DLEU7: variants seen among roughly 807,000 people sequenced by gnomAD.
DLEU7 encodes the protein deleted in lymphocytic leukemia 7.
Under a neutral mutation model 16.0 loss-of-function variants are expected in DLEU7, and 17 were observed. The ratio of observed to expected loss-of-function variants is 1.06; its 90% CI spans 0.73 to 1.59. DLEU7 has a LOEUF of 1.59. DLEU7 is among the 40% of genes most tolerant of loss of function. The probability of loss-of-function intolerance (pLI) is 0.00; values close to 1 mark genes in which losing one functional copy is unlikely to be tolerated. For synonymous variants in DLEU7, 113 were observed against 139.8 expected, an observed-to-expected ratio of 0.81 and a Z score of 1.35; for missense variants, 308 against 314.9, an observed-to-expected ratio of 0.98 and a Z score of 0.17.
chr13:50,769,634 C>G (rs1875233287), intron 1 of DLEU7, among the ~76,000 whole-genome samples: 1 of 152,102 alleles, frequency 6.6e-6, no homozygotes, highest in South Asian at 2.1e-4. Context: ...CTGCTCTGTT[C>G]CATTGGTCTA....
downstream of DLEU7, among the ~76,000 whole-genome samples, chr13:50,822,121 A>C (rs568094006): frequency 2.6e-5 from 4 of 152,214 alleles, no homozygotes; most frequent in South Asian, 6.2e-4. Flanking sequence ...CTTAGAATTC[A>C]GTATCATATA....
chr13:50,765,534 C>A (rs1211923054), intron 1 of DLEU7, among the ~76,000 whole-genome samples: 2 of 151,958 alleles, frequency 1.3e-5, no homozygotes, highest in East Asian at 3.9e-4. Context: ...ACTTGGTCCT[C>A]TTCTGGCAAT....
At position 50,718,677 on chromosome 13, in the gene DLEU7, T is replaced by C. The variant is rs201165621; in HGVS notation, c.460-5437A>G. On this transcript the variant is annotated intron_variant, in intron 1 of 1. Coordinates refer to the DLEU7 transcript ENST00000400393. Reference sequence around the variant, plus strand: ...TCATCTACCAAACACTCTCTTTTGCTAAATAAGAATATTTCCCCATTTTTA... The same window carrying C: ...TCATCTACCAAACACTCTCTTTTGCCAAATAAGAATATTTCCCCATTTTTA... Among the ~76,000 whole-genome samples, 22 of 152,378 alleles carry C rather than the reference T, an allele frequency of 1.4e-4. No individual in the cohort carries two copies. The East Asian group carries it at 3.3e-3, about 23-fold the overall frequency.
chr13:50,756,549 G>A (rs774411572), intron 1 of DLEU7, among the ~76,000 whole-genome samples: 3 of 152,126 alleles, frequency 2.0e-5, no homozygotes, highest in Non-Finnish European at 4.4e-5. Flanking sequence ...TCAGAGGGCC[G>A]GTCTCCCTCT....
intron 1 of DLEU7, among the ~76,000 whole-genome samples, chr13:50,768,913 C>T (rs58236044): frequency 0.017 from 2,639 of 152,228 alleles, 86 homozygotes; most frequent in African/African-American, 0.059. Flanking sequence ...AGTGTAGAAG[C>T]GTTCCTATTT....
intron 1 of DLEU7, chr13:50,812,981 T>C (rs749736331): frequency 3.3e-5 from 5 of 152,110 alleles, no homozygotes; most frequent in Non-Finnish European, 7.4e-5. Context: ...CAAATAAATT[T>C]CTTTTAAGCC....
chr13:50,738,650 A>G (rs551375877), intron 1 of DLEU7, among the ~76,000 whole-genome samples: 4 of 152,146 alleles, frequency 2.6e-5, no homozygotes, highest in Non-Finnish European at 5.9e-5. Context: ...AAATCATACA[A>G]AGATGAAAAA....
At chr13:50,714,255 A>T (rs1318096249) in intron 1 of DLEU7, among the ~76,000 whole-genome samples, 1 of 152,136 alleles carries the variant, frequency 6.6e-6, no homozygotes, top group Non-Finnish European at 1.5e-5. Flanking sequence ...TTTCATCCAC[A>T]TTAATTCCGG....
chr13:50,727,811 T>C (rs1873806989), intron 1 of DLEU7, among the ~76,000 whole-genome samples: 1 of 152,226 alleles, frequency 6.6e-6, no homozygotes, highest in South Asian at 2.1e-4. Flanking sequence ...GCTGTGACTT[T>C]GGGTTATTCT....
exon 2 of DLEU7, chr13:50,712,934 T>C: frequency 2.5e-6 from 1 of 406,142 alleles, no homozygotes; most frequent in Non-Finnish European, 4.4e-6. Context: ...ATCTTCTTAA[T>C]GGAAGCGGCT....
intron 1 of DLEU7, among the ~76,000 whole-genome samples, chr13:50,782,765 C>G (rs1342951531): frequency 7.3e-6 from 1 of 137,872 alleles, no homozygotes; most frequent in Non-Finnish European, 1.6e-5. Context: ...ATCATATACA[C>G]TGTCTACAGA....
intron 1 of DLEU7, among the ~76,000 whole-genome samples, chr13:50,803,844 TTTA>T (rs1025506191): frequency 1.3e-4 from 20 of 152,266 alleles, no homozygotes; most frequent in Admixed American, 1.2e-3. Context: ...TTTTGCCCAG[TTTA>T]TTTTTATATT....
Position 50,843,157 on chromosome 13 carries a change from C to T in DLEU7, c.459+31G>A, listed in dbSNP as rs1310491111. ...TTGGAGGATGGGAGGTTACCCTGCA[C>T]GCCAGAGGGGATGGCGGGGGCCAGA... On this transcript the variant is annotated intron_variant, in intron 1 of 1. Transcript: ENST00000504404. This position sits in a 1 kb window ranked among gnomAD's most constrained non-coding sequence, Gnocchi z 5.7. 6.4e-7 allele frequency: 1 copy of T among 1,572,072 alleles called. No individual in the cohort carries two copies. The highest frequency in any genetic ancestry group is 2.5e-5 in the East Asian group (1 of 40,484).
At chr13:50,748,228 C>CTTTTTTTTTTTTTTTTTTTT (rs71085044) in intron 1 of DLEU7, among the ~76,000 whole-genome samples, 3 of 89,218 alleles carry the variant, frequency 3.4e-5, no homozygotes, top group African/African-American at 4.3e-5. Flanking sequence ...ACTCCTTAAA[C>CTTTTTTTTTTTTTTTTTTTT]TTTTTTTTTT....
At chr13:50,814,349 C>G (rs947353036) in intron 1 of DLEU7, among the ~76,000 whole-genome samples, 1 of 151,916 alleles carries the variant, frequency 6.6e-6, no homozygotes, top group African/African-American at 2.4e-5. Flanking sequence ...TTCACCCAGG[C>G]AGCCAGCCAG....
chr13:50,779,687 T>C (rs965273338), intron 1 of DLEU7, among the ~76,000 whole-genome samples: 3 of 152,116 alleles, frequency 2.0e-5, no homozygotes, highest in Non-Finnish European at 2.9e-5. Flanking sequence ...ATTGGTCCTG[T>C]CTAGGTCATA....
intron 1 of DLEU7, among the ~76,000 whole-genome samples, chr13:50,745,617 G>A (rs148279190): frequency 1.3e-5 from 2 of 152,270 alleles, no homozygotes; most frequent in African/African-American, 2.4e-5. Flanking sequence ...TAATATCCTT[G>A]TTAGAGGGAT....
intron 1 of DLEU7, among the ~76,000 whole-genome samples, chr13:50,765,374 A>G (rs758530998): frequency 2.6e-5 from 4 of 152,176 alleles, no homozygotes; most frequent in Non-Finnish European, 4.4e-5. Flanking sequence ...GGGTGCAGAC[A>G]GGGGAAGGAA....
chr13:50,745,113 A>G (rs887421727), intron 1 of DLEU7, among the ~76,000 whole-genome samples: 1 of 152,206 alleles, frequency 6.6e-6, no homozygotes, highest in African/African-American at 2.4e-5. Flanking sequence ...AGATGCTTGT[A>G]CACCTATGTT....
Sources: allele counts gnomAD v4.1 joint callset (sites outside exome capture counted in the v4.1 genomes callset), GRCh38; gene constraint gnomAD v4.1.1; non-coding constraint Gnocchi (gnomAD v3.1); transcripts MANE v1.5; gene names NCBI Gene and HGNC (gene_info 2026-07-23, HGNC 2026-07-21).